GPC6: variants seen among roughly 807,000 people sequenced by gnomAD.
The protein encoded by GPC6 is glypican 6.
In GPC6, 14 loss-of-function variants were observed where a neutral mutation model predicts 55.2. The observed-to-expected ratio is 0.25, with a 90% CI of 0.17 to 0.40. The LOEUF (loss-of-function observed/expected upper bound fraction) is 0.40. Ranked by LOEUF, GPC6 falls within the 10% of genes least tolerant of loss-of-function variation. GPC6 has a pLI of 1.00. For synonymous variants in GPC6, 278 were observed against 259.6 expected (o/e 1.07, Z -0.68); for missense variants, 641 against 708.5 (o/e 0.90, Z 1.08).
chr13:93,948,610 T>G (rs1879116802), intron 3 of GPC6, among the ~76,000 whole-genome samples: 1 of 152,200 alleles, frequency 6.6e-6, no homozygotes, highest in Non-Finnish European at 1.5e-5. Flanking sequence ...GCATAATTTA[T>G]TTAAGGTTTA....
At chr13:93,978,408 G>A (rs185586355) in intron 3 of GPC6, among the ~76,000 whole-genome samples, 1 of 152,220 alleles carries the variant, frequency 6.6e-6, no homozygotes, top group Admixed American at 6.5e-5. Context: ...ATAAGGAGAG[G>A]ACATATTAAG....
At chr13:94,238,675 A>G (rs1890955539) in intron 4 of GPC6, among the ~76,000 whole-genome samples, 1 of 152,140 alleles carries the variant, frequency 6.6e-6, no homozygotes, top group African/African-American at 2.4e-5. Context: ...AGCTTTGGGA[A>G]TAAGCACCGT....
chr13:94,284,531 CT>C (rs961073669), intron 4 of GPC6, among the ~76,000 whole-genome samples: 10 of 149,306 alleles, frequency 6.7e-5, no homozygotes, highest in Admixed American at 1.3e-4. Flanking sequence ...TATCAGGTAG[CT>C]TTTTTTCAAA....
intron 4 of GPC6, among the ~76,000 whole-genome samples, chr13:94,192,080 C>A (rs1889414459): frequency 6.6e-6 from 1 of 152,066 alleles, no homozygotes. Context: ...TAGGAAAATA[C>A]CCACTTGGTC....
chr13:93,314,225 G>A (rs983130737), intron 1 of GPC6, among the ~76,000 whole-genome samples: 9 of 151,788 alleles, frequency 5.9e-5, no homozygotes, highest in African/African-American at 1.7e-4. Context: ...TTTTATCCCT[G>A]GAAATAATAC....
intron 4 of GPC6, among the ~76,000 whole-genome samples, chr13:94,054,929 C>T (rs1785313652): frequency 6.6e-6 from 1 of 152,100 alleles, no homozygotes. Context: ...TTATTCTCTG[C>T]ACACCTGCAC....
At chr13:93,243,219 G>A (rs756959730) in intron 1 of GPC6, among the ~76,000 whole-genome samples, 4 of 152,196 alleles carry the variant, frequency 2.6e-5, no homozygotes, top group Non-Finnish European at 5.9e-5. Context: ...AGTCTCTCTT[G>A]ATTTGATCTC....
At chr13:93,692,875 G>C (rs1256271959) in intron 2 of GPC6, among the ~76,000 whole-genome samples, 1 of 151,930 alleles carries the variant, frequency 6.6e-6, no homozygotes, top group Non-Finnish European at 1.5e-5. Context: ...GTGAATAAAA[G>C]TACTCTATCA....
intron 2 of GPC6, among the ~76,000 whole-genome samples, chr13:93,787,448 T>G (rs945573048): frequency 1.3e-5 from 2 of 152,230 alleles, no homozygotes; most frequent in Non-Finnish European, 2.9e-5. Flanking sequence ...AGATTTGGCC[T>G]TCAGTCCATA....
intron 2 of GPC6, among the ~76,000 whole-genome samples, chr13:93,692,624 T>C (rs1348509563): frequency 2.0e-5 from 3 of 152,114 alleles, no homozygotes; most frequent in Non-Finnish European, 4.4e-5. Flanking sequence ...CCTTCTACCA[T>C]CTTAAATTTT....
intron 3 of GPC6, among the ~76,000 whole-genome samples, chr13:93,841,052 G>T (rs564418866): frequency 2.0e-5 from 3 of 152,084 alleles, no homozygotes; most frequent in African/African-American, 7.2e-5. Flanking sequence ...ACACATGTAC[G>T]AGTGAGGAGG....
At chr13:93,242,077 C>A (rs187764510) in intron 1 of GPC6, among the ~76,000 whole-genome samples, 1 of 152,166 alleles carries the variant, frequency 6.6e-6, no homozygotes, top group African/African-American at 2.4e-5. Flanking sequence ...TTGATGTGTA[C>A]TTTTTTCCCC....
chr13:94,086,665 A>G (rs971792657), intron 4 of GPC6, among the ~76,000 whole-genome samples: 19 of 152,044 alleles, frequency 1.2e-4, no homozygotes, highest in African/African-American at 4.6e-4. Context: ...CAAGTTGAAT[A>G]TGGCAGATCC....
chr13:93,590,745 C>G (rs1300531535), intron 2 of GPC6, among the ~76,000 whole-genome samples: 1 of 152,104 alleles, frequency 6.6e-6, no homozygotes, highest in Non-Finnish European at 1.5e-5. Flanking sequence ...CCTTTATCTT[C>G]TTTGTTAAAT....
At chr13:93,313,939 A>G (rs919308200) in intron 1 of GPC6, among the ~76,000 whole-genome samples, 2 of 152,180 alleles carry the variant, frequency 1.3e-5, no homozygotes, top group African/African-American at 4.8e-5. Context: ...TTTCTGTATC[A>G]GGCACATATG....
chr13:94,343,025 C>A (rs1176417020), intron 6 of GPC6, among the ~76,000 whole-genome samples: 3 of 152,126 alleles, frequency 2.0e-5, no homozygotes, highest in African/African-American at 7.2e-5. Context: ...TCATGCCCTG[C>A]CAGAACTGAT....
chr13:93,603,485 T>A (rs976285383), intron 2 of GPC6, among the ~76,000 whole-genome samples: 2 of 152,220 alleles, frequency 1.3e-5, no homozygotes, highest in Non-Finnish European at 2.9e-5. Flanking sequence ...ATGTGTTAAC[T>A]CTTCATAATA....
chr13:93,680,150 A>G (rs762675017), intron 2 of GPC6, among the ~76,000 whole-genome samples: 1 of 152,166 alleles, frequency 6.6e-6, no homozygotes, highest in Non-Finnish European at 1.5e-5. Context: ...AATCCAGTTA[A>G]AATGAGGTCG....
chr13:93,698,043 G>C (rs1235006297), intron 2 of GPC6, among the ~76,000 whole-genome samples: 1 of 152,052 alleles, frequency 6.6e-6, no homozygotes, highest in Admixed American at 6.6e-5. Flanking sequence ...TCCTAAAGTG[G>C]AGAAATTCTT....
Sources: allele counts gnomAD v4.1 joint callset (sites outside exome capture counted in the v4.1 genomes callset), GRCh38; gene constraint gnomAD v4.1.1; transcripts MANE v1.5; gene names NCBI Gene and HGNC (gene_info 2026-07-23, HGNC 2026-07-21).